PLEKHA5: variants seen among roughly 807,000 people sequenced by gnomAD.
PLEKHA5 encodes pleckstrin homology domain-containing family A member 5.
Under a neutral mutation model 181.9 loss-of-function variants are expected in PLEKHA5, and 55 were observed. The observed-to-expected ratio is 0.30, with a 90% confidence interval of 0.24 to 0.38. The LOEUF (loss-of-function observed/expected upper bound fraction) is 0.38, where lower values mean the gene tolerates loss of function less well. Among genes scored for constraint, PLEKHA5 ranks in the 10% least tolerant of loss-of-function variants. The pLI, the probability that PLEKHA5 is intolerant of heterozygous loss-of-function variation, is 1.00. For missense variants in PLEKHA5, 1,432 were observed against 1,549.5 expected (o/e 0.92, Z 1.27); for synonymous variants, 535 against 529.4 (o/e 1.01, Z -0.15).
At chr12:19,195,543 A>C (rs1299721134) in intron 3 of PLEKHA5, among the ~76,000 whole-genome samples, 1 of 151,556 alleles carries the variant, frequency 6.6e-6, no homozygotes, top group African/African-American at 2.4e-5. Context: ...GCTGGCACAC[A>C]CCTGTAGTCT....
intron 6 of PLEKHA5, among the ~76,000 whole-genome samples, chr12:19,259,713 T>C (rs1382096028): frequency 6.7e-6 from 1 of 149,086 alleles, no homozygotes; most frequent in Non-Finnish European, 1.5e-5. Context: ...ATTGTAGCAC[T>C]ACACACCATC....
intron 11 of PLEKHA5, among the ~76,000 whole-genome samples, chr12:19,282,993 C>G (rs1354664559): frequency 3.3e-5 from 5 of 151,310 alleles, no homozygotes; most frequent in Non-Finnish European, 5.9e-5. Flanking sequence ...GTCAGGAATT[C>G]AAGATCAGCC....
chr12:19,253,735 G>A (rs2152543689), intron 3 of PLEKHA5, among the ~76,000 whole-genome samples: 1 of 152,078 alleles, frequency 6.6e-6, no homozygotes, highest in East Asian at 2.0e-4. Flanking sequence ...CAGAAGAATT[G>A]CTTGAACCCA....
Position 19,140,573 on chromosome 12 carries a change from T to C in PLEKHA5, c.227+8123T>C, listed in dbSNP as rs74690082. Among the ~76,000 whole-genome samples the C allele has an allele frequency of 9.3e-3, 1,420 of 152,298 alleles. 9 individuals carry two copies. The highest frequency in any genetic ancestry group is 0.026 in the South Asian group (126 of 4,828). On this transcript the variant is annotated intron_variant, in intron 3 of 31. Transcript: ENST00000429027. ...ATTAGGTCTCAGAAGGCAGAGATAGTCTTATACTGTAGCCACCTTTATGCT... is the reference window on the plus strand; with the variant it reads ...ATTAGGTCTCAGAAGGCAGAGATAGCCTTATACTGTAGCCACCTTTATGCT...
At chr12:19,186,877 A>G (rs1188777503) in intron 3 of PLEKHA5, among the ~76,000 whole-genome samples, 1 of 152,192 alleles carries the variant, frequency 6.6e-6, no homozygotes. Flanking sequence ...ATGCTTTGTT[A>G]AATCAGAAGG....
intron 3 of PLEKHA5, among the ~76,000 whole-genome samples, chr12:19,143,357 G>T (rs2037985051): frequency 1.3e-5 from 2 of 152,168 alleles, no homozygotes; most frequent in South Asian, 4.1e-4. Flanking sequence ...TAATAAAAGT[G>T]TACGTTTAGT....
At chr12:19,193,993 C>T (rs1041176027) in intron 3 of PLEKHA5, among the ~76,000 whole-genome samples, 4 of 151,910 alleles carry the variant, frequency 2.6e-5, no homozygotes, top group Non-Finnish European at 5.9e-5. Flanking sequence ...ATTGCTACTA[C>T]AGCACCAAGC....
At chr12:19,176,636 G>A (rs189495016) in intron 3 of PLEKHA5, 1 of 152,228 alleles carries the variant, frequency 6.6e-6, no homozygotes, top group East Asian at 1.9e-4. Flanking sequence ...AAGGTATTAA[G>A]TCTTGTACCA....
At chr12:19,295,792 G>A (rs930762618) in intron 15 of PLEKHA5, among the ~76,000 whole-genome samples, 1 of 152,156 alleles carries the variant, frequency 6.6e-6, no homozygotes, top group Non-Finnish European at 1.5e-5. Flanking sequence ...TACCCTACTG[G>A]TTATTAAGGA....
At chr12:19,275,872 G>A (rs902441538) in intron 11 of PLEKHA5, among the ~76,000 whole-genome samples, 2 of 152,000 alleles carry the variant, frequency 1.3e-5, no homozygotes, top group Admixed American at 6.6e-5. Flanking sequence ...TTGTGGGACC[G>A]CAAAGTAAAA....
intron 10 of PLEKHA5, among the ~76,000 whole-genome samples, chr12:19,273,655 A>T (rs2073719389): frequency 1.3e-5 from 2 of 152,194 alleles, no homozygotes; most frequent in Admixed American, 1.3e-4. Flanking sequence ...GGAAAGACCT[A>T]GATATGGCAA....
At chr12:19,231,558 A>ATATGTACACATATATATGTATATATATT (rs2060568084) in intron 3 of PLEKHA5, among the ~76,000 whole-genome samples, 2 of 146,828 alleles carry the variant, frequency 1.4e-5, no homozygotes, top group African/African-American at 2.5e-5. Context: ...ATATATTTAT[A>ATATGTACACATATATATGTATATATATT]TATGTACACA....
chr12:19,199,627 A>AT (rs1165840325), intron 3 of PLEKHA5, among the ~76,000 whole-genome samples: 1 of 152,154 alleles, frequency 6.6e-6, no homozygotes, highest in African/African-American at 2.4e-5. Context: ...TGATGTAAAT[A>AT]TTTGTACTGC....
At chr12:19,315,402 C>G (rs1472837353) in intron 16 of PLEKHA5, among the ~76,000 whole-genome samples, 1 of 152,076 alleles carries the variant, frequency 6.6e-6, no homozygotes, top group East Asian at 1.9e-4. Flanking sequence ...TTTTAACATA[C>G]TGGGGGTATT....
chr12:19,330,395 C>A (rs1200439271), intron 20 of PLEKHA5, among the ~76,000 whole-genome samples: 1 of 152,028 alleles, frequency 6.6e-6, no homozygotes, highest in African/African-American at 2.4e-5. Flanking sequence ...CCCTTTTAAA[C>A]ATCTTTTTTA....
At chr12:19,269,386 C>A (rs1159420600) in intron 8 of PLEKHA5, among the ~76,000 whole-genome samples, 385 of 127,290 alleles carry the variant, frequency 3.0e-3, no homozygotes, top group Admixed American at 4.2e-3. Context: ...GACTCTGTCT[C>A]AAAAAAAAGA....
At chr12:19,364,696 C>G (rs531601400) in intron 29 of PLEKHA5, among the ~76,000 whole-genome samples, 7 of 151,754 alleles carry the variant, frequency 4.6e-5, no homozygotes, top group African/African-American at 1.7e-4. Flanking sequence ...GGATCTCACT[C>G]TGTCGCCCAG....
In PLEKHA5 at chr12:19,177,186, T is replaced by C. The variant is rs1263305854; in HGVS notation, c.227+44736T>C. Among the ~76,000 whole-genome samples the C allele has an allele frequency of 2.0e-5, 3 of 152,146 alleles. No homozygotes were observed. In the East Asian group the frequency reaches 5.8e-4, roughly 29 times the overall value. ...GGGCCCACATATTTATCTTTTGTTT[T>C]TGTGGTAAGAACACCTAAAATGTCT... On this transcript the variant is annotated intron_variant, in intron 3 of 31. Coordinates refer to ENST00000429027, the MANE Select transcript of PLEKHA5 (RefSeq NM_001256470.2).
rs1245518927 is a variant in PLEKHA5 at position 19,283,447 on chromosome 12, C to T, written c.1481C>T (p.Ala494Val). ...STHDKTLGPG[A>V]EEKRRSMRDD... is the part of the protein sequence containing the mutation. ...CATGACAAGACATTAGGACCCGGAG[C>T]GGAGGAGAAACGGAGGTCCATGAGA... The change falls in exon 12 of 32, where the codon GCG (alanine) becomes GTG (valine). Residue 494 changes from alanine (A) to valine (V), a missense_variant. By Grantham distance (64) the Ala-to-Val change is moderately conservative. Transcript: ENST00000429027. 16 of 1,613,890 alleles carry T rather than the reference C, an allele frequency of 9.9e-6. No individual in the cohort carries two copies. Among genetic ancestry groups the T allele is most frequent in the Admixed American group, 1.7e-5 (1 of 59,968 alleles).
Sources: allele counts gnomAD v4.1 joint callset (sites outside exome capture counted in the v4.1 genomes callset), GRCh38; gene constraint gnomAD v4.1.1; transcripts MANE v1.5; gene names NCBI Gene and HGNC (gene_info 2026-07-23, HGNC 2026-07-21).